The following PLA2G10 variants were observed in gnomAD, a reference collection of about 807,000 sequenced individuals.
PLA2G10 encodes group 10 secretory phospholipase A2.
Under a neutral mutation model 7.9 loss-of-function variants are expected in PLA2G10, and 9 were observed. The ratio of observed to expected loss-of-function variants is 1.14; its 90% CI spans 0.68 to 1.98. PLA2G10 has a LOEUF of 1.98. PLA2G10 is among the 30% of genes most tolerant of loss of function. PLA2G10 has a pLI of 0.00. For missense variants in PLA2G10, 53 were observed against 65.4 expected (o/e 0.81, Z 0.66); for synonymous variants, 19 against 27.5 (o/e 0.69, Z 0.97).
chr16:14,672,906 T>A (rs1008026371), intron 3 of PLA2G10, among the ~76,000 whole-genome samples, 157 bp from the exon 4 acceptor site: 4 of 151,972 alleles, frequency 2.6e-5, no homozygotes, highest in African/African-American at 7.2e-5. Context: ...AGGAAGCAGG[T>A]GATGTCAGCC....
chr16:14,673,624 CT>C (rs1960649339), intron 3 of PLA2G10, among the ~76,000 whole-genome samples: 1 of 152,160 alleles, frequency 6.6e-6, no homozygotes, highest in Non-Finnish European at 1.5e-5. Flanking sequence ...CTGCCTCAGC[CT>C]CCCAAAGTAC....
At chr16:14,681,812 A>C (rs1316879339) in intron 3 of PLA2G10, among the ~76,000 whole-genome samples, 2 of 151,722 alleles carry the variant, frequency 1.3e-5, no homozygotes, top group Admixed American at 6.6e-5. Context: ...ACCAACAGAC[A>C]CACCAATATT....
At chr16:14,686,080 C>T (rs193256141) in intron 3 of PLA2G10, among the ~76,000 whole-genome samples, 1 of 149,920 alleles carries the variant, frequency 6.7e-6, no homozygotes, top group East Asian at 2.0e-4. Context: ...ACAGCCTCAG[C>T]CTCCCTGGGC....
chr16:14,678,487 G>A (rs915292765), intron 3 of PLA2G10, among the ~76,000 whole-genome samples: 1 of 152,184 alleles, frequency 6.6e-6, no homozygotes, highest in African/African-American at 2.4e-5. Context: ...TACATATCAA[G>A]GCCGAGTGTG....
At chr16:14,685,472 T>C (rs972964710) in intron 3 of PLA2G10, among the ~76,000 whole-genome samples, 1 of 151,924 alleles carries the variant, frequency 6.6e-6, no homozygotes, top group Non-Finnish European at 1.5e-5. Flanking sequence ...ATGAAATATC[T>C]AGACAGGGTA....
At chr16:14,685,723 C>T (rs1381332241) in intron 3 of PLA2G10, among the ~76,000 whole-genome samples, 1 of 152,046 alleles carries the variant, frequency 6.6e-6, no homozygotes, top group African/African-American at 2.4e-5. Context: ...GAGACAGAGT[C>T]CCACGCTGTC....
intron 3 of PLA2G10, among the ~76,000 whole-genome samples, chr16:14,681,753 C>A (rs201455076): frequency 8.9e-4 from 135 of 151,550 alleles, no homozygotes; most frequent in Non-Finnish European, 1.7e-3. Context: ...TATTTTAGTT[C>A]CTTTCATTTG....
chr16:14,676,229 TC>T (rs1452233266), intron 3 of PLA2G10, among the ~76,000 whole-genome samples: 1 of 152,116 alleles, frequency 6.6e-6, no homozygotes, highest in East Asian at 1.9e-4. Flanking sequence ...GAAAAGTAAA[TC>T]TACTATTCTT....
intron 3 of PLA2G10, among the ~76,000 whole-genome samples, chr16:14,681,681 C>T (rs1960897002): frequency 1.3e-5 from 2 of 151,634 alleles, no homozygotes; most frequent in Admixed American, 6.6e-5. Context: ...AAATAAACAA[C>T]TATGTTCAGA....
chr16:14,677,720 T>G (rs1329778090), intron 3 of PLA2G10, among the ~76,000 whole-genome samples: 1 of 151,898 alleles, frequency 6.6e-6, no homozygotes, highest in Non-Finnish European at 1.5e-5. Flanking sequence ...TCCCCATGGA[T>G]GGATGGATGG....
intron 3 of PLA2G10, among the ~76,000 whole-genome samples, 157 bp downstream of exon 3, chr16:14,688,008 A>C (rs1278393317): frequency 6.6e-6 from 1 of 151,144 alleles, no homozygotes; most frequent in Non-Finnish European, 1.5e-5. Flanking sequence ...CAAAAAATAA[A>C]TAAAATAAAT....
At chr16:14,675,506 A>C (rs1365844084) in intron 3 of PLA2G10, among the ~76,000 whole-genome samples, 2 of 152,210 alleles carry the variant, frequency 1.3e-5, no homozygotes, top group Non-Finnish European at 2.9e-5. Context: ...TCTGCATAGC[A>C]AAAGAAGTAA....
At chr16:14,677,707 C>T (rs1051075689) in intron 3 of PLA2G10, among the ~76,000 whole-genome samples, 1 of 151,990 alleles carries the variant, frequency 6.6e-6, no homozygotes, top group Non-Finnish European at 1.5e-5. Flanking sequence ...CTCAAGCAGG[C>T]ACTCCCCATG....
chr16:14,685,287 G>C (rs904041443), intron 3 of PLA2G10, among the ~76,000 whole-genome samples: 1 of 151,490 alleles, frequency 6.6e-6, no homozygotes, highest in Non-Finnish European at 1.5e-5. Context: ...CAGGAGAATC[G>C]CTTGAACCCG....
intron 3 of PLA2G10, among the ~76,000 whole-genome samples, chr16:14,687,482 A>G (rs1005950963): frequency 6.6e-6 from 1 of 151,892 alleles, no homozygotes; most frequent in Non-Finnish European, 1.5e-5. Flanking sequence ...GATGTGTGCC[A>G]CCACGCCTGG....
intron 3 of PLA2G10, among the ~76,000 whole-genome samples, chr16:14,684,086 C>T (rs566831777): frequency 3.7e-4 from 56 of 151,994 alleles, no homozygotes; most frequent in African/African-American, 1.3e-3. Flanking sequence ...AATGGCGGGG[C>T]GTGGTGGCTC....
At chr16:14,688,009 T>A (rs1256036364) in intron 3 of PLA2G10, among the ~76,000 whole-genome samples, 156 bp downstream of exon 3, 5 of 150,630 alleles carry the variant, frequency 3.3e-5, no homozygotes, top group Non-Finnish European at 7.4e-5. Flanking sequence ...AAAAAATAAA[T>A]AAAATAAATA....
chr16:14,684,581 G>A (rs1005862109), intron 3 of PLA2G10, among the ~76,000 whole-genome samples: 6 of 151,928 alleles, frequency 3.9e-5, no homozygotes, highest in Admixed American at 2.0e-4. Flanking sequence ...CAGGAGAATC[G>A]CTAAAACCTG....
In PLA2G10 at chr16:14,686,411, C is replaced by G. The variant is rs752036464; in HGVS notation, c.355+1754G>C. Among the ~76,000 whole-genome samples the G allele has an allele frequency of 1.5e-3, 234 of 152,276 alleles. 1 individual carries two copies. Among genetic ancestry groups the G allele is most frequent in the Non-Finnish European group, 2.2e-3 (153 of 68,024 alleles). ...AGCCTTATCTGCATTCTCCCTGTACCATTACTCACTTCCTAGTTGTTTTCA... is the reference window on the plus strand; with the variant it reads ...AGCCTTATCTGCATTCTCCCTGTACGATTACTCACTTCCTAGTTGTTTTCA... On this transcript the variant is annotated intron_variant, in intron 3 of 3. Transcript: ENST00000438167.
Sources: gnomAD v4.1 joint callset for allele counts (sites outside exome capture counted in the v4.1 genomes callset) on GRCh38, gnomAD v4.1.1 for gene constraint, MANE v1.5 for transcripts, NCBI Gene and HGNC (gene_info 2026-07-23, HGNC 2026-07-21) for gene names.